Variants in DISP1 observed in about 807,000 individuals in gnomAD.
DISP1 encodes the protein dispatched RND transporter family member 1.
A neutral mutation model predicts 37.3 loss-of-function variants in DISP1; 30 were observed. The ratio of observed to expected loss-of-function variants is 0.80; its 90% CI spans 0.60 to 1.09. The LOEUF (loss-of-function observed/expected upper bound fraction) is 1.09. Ranked by LOEUF, DISP1 falls within the 50% of genes least tolerant of loss-of-function variation. DISP1 has a pLI of 0.00. For missense variants in DISP1, 1,598 were observed against 1,879.5 expected (o/e 0.85, Z 2.77); for synonymous variants, 634 against 690.2 (o/e 0.92, Z 1.28).
chr1:222,864,502 T>A (rs1669066533), intron 1 of DISP1, among the ~76,000 whole-genome samples: 2 of 152,150 alleles, frequency 1.3e-5, no homozygotes, highest in African/African-American at 2.4e-5. Context: ...CATTTAAATA[T>A]GAATCCTTGT....
intron 1 of DISP1, among the ~76,000 whole-genome samples, chr1:222,904,505 A>G (rs1353133096): frequency 1.3e-5 from 2 of 151,910 alleles, no homozygotes; most frequent in African/African-American, 2.4e-5. Flanking sequence ...ATGATATGTT[A>G]TATAAATTTA....
intron 3 of DISP1, among the ~76,000 whole-genome samples, chr1:222,954,438 T>C (rs1166595641): frequency 6.6e-6 from 1 of 152,186 alleles, no homozygotes; most frequent in Non-Finnish European, 1.5e-5. Flanking sequence ...TAAATATTTG[T>C]TGAATGAATG....
chr1:222,879,523 G>T (rs1275861920), intron 1 of DISP1, among the ~76,000 whole-genome samples: 1 of 152,064 alleles, frequency 6.6e-6, no homozygotes, highest in Non-Finnish European at 1.5e-5. Flanking sequence ...ATATATCATA[G>T]AATTTTCTAT....
Position 223,005,521 on chromosome 1 carries a change from A to G in DISP1, c.4124A>G (p.His1375Arg), listed in dbSNP as rs1679841080. Residue 1375 changes from histidine to arginine, a missense_variant, in exon 9 of 9, where the codon CAC becomes CGC. By Grantham distance (29) the His-to-Arg change is conservative. Coordinates refer to ENST00000675850, the MANE Select transcript of DISP1 (RefSeq NM_001377229.1). ...GAAAAAATTGGCAAGACCAATGTAC[A>G]CAGTCTTCAGAGGAGCATAGAAGAG... ...AQEKIGKTNV[H>R]SLQRSIEEHL... 1 of 1,614,032 alleles carries G rather than the reference A, an allele frequency of 6.2e-7. No homozygotes were observed. The highest frequency in any genetic ancestry group is 1.7e-5 in the Admixed American group (1 of 60,008).
At chr1:222,848,607 C>G (rs187797330) in intron 1 of DISP1, among the ~76,000 whole-genome samples, 3 of 152,098 alleles carry the variant, frequency 2.0e-5, no homozygotes, top group Non-Finnish European at 4.4e-5. Flanking sequence ...ATTGCAGGCT[C>G]TTTGAGGGCA....
intron 1 of DISP1, among the ~76,000 whole-genome samples, chr1:222,833,236 A>G (rs1039528041): frequency 3.3e-5 from 5 of 151,248 alleles, no homozygotes; most frequent in Non-Finnish European, 5.9e-5. Flanking sequence ...GACTTTTAAC[A>G]AAGTGATAAG....
At chr1:222,904,014 G>A (rs1671761207) in intron 1 of DISP1, among the ~76,000 whole-genome samples, 1 of 152,142 alleles carries the variant, frequency 6.6e-6, no homozygotes, top group East Asian at 1.9e-4. Context: ...ATAAAACCTA[G>A]CATATGGGTT....
chr1:222,816,204 G>T (rs952027612), intron 1 of DISP1, among the ~76,000 whole-genome samples: 1 of 151,582 alleles, frequency 6.6e-6, no homozygotes. Flanking sequence ...GCCAGTGTTT[G>T]GTATGTGGGC....
chr1:222,857,125 T>A (rs1269349884), intron 1 of DISP1, among the ~76,000 whole-genome samples: 1 of 152,130 alleles, frequency 6.6e-6, no homozygotes, highest in Non-Finnish European at 1.5e-5. Flanking sequence ...AATTGACACT[T>A]AAAAACTGTG....
chr1:222,861,606 C>G (rs1036434828), intron 1 of DISP1, among the ~76,000 whole-genome samples: 1 of 152,178 alleles, frequency 6.6e-6, no homozygotes, highest in South Asian at 2.1e-4. Context: ...TATTATCACT[C>G]TTTGTTTCAA....
Position 222,992,225 on chromosome 1 carries a change from G to A in DISP1, c.889+115G>A, listed in dbSNP as rs1678755592. The stretch of plus-strand genomic sequence containing the variant: ...TGGCTAGTCACACAGCTTCACTGTT[G>A]CTGTTGAACCTAAAGAAATTTTGGC... On this transcript the variant is annotated intron_variant, in intron 7 of 8. Transcript: ENST00000675850. 7 of 876,286 alleles carry A rather than the reference G, an allele frequency of 8.0e-6. No homozygotes were observed. In the East Asian group the frequency reaches 1.6e-4, roughly 20 times the overall value. The allele number at this position is 876,286 out of a possible 1,614,324, so 54.3% of individuals were successfully genotyped here.
At chr1:222,926,784 G>A (rs1307382101) in intron 1 of DISP1, among the ~76,000 whole-genome samples, 1 of 151,974 alleles carries the variant, frequency 6.6e-6, no homozygotes. Context: ...ATTTGAAACA[G>A]TGAACTCACC....
In DISP1 at chr1:222,910,151, C is replaced by T. The variant is rs563012997; in HGVS notation, c.-158-18279C>T. ...GACCAAAGTGGGAGGATTGCTTGAG[C>T]GCAGGAGTTCAAGACCAGCTGAGCA... On this transcript the variant is annotated intron_variant, in intron 1 of 8. Transcript: ENST00000675850. Among the ~76,000 whole-genome samples, 5 of 152,078 alleles carry T rather than the reference C, an allele frequency of 3.3e-5. No homozygotes were observed. The South Asian group carries it at 1.0e-3, about 32-fold the overall frequency.
chr1:222,887,196 G>A (rs1255552758), intron 1 of DISP1, among the ~76,000 whole-genome samples: 3 of 152,176 alleles, frequency 2.0e-5, no homozygotes, highest in African/African-American at 7.2e-5. Context: ...GAAAGCTGGT[G>A]TGTATTACCC....
intron 1 of DISP1, chr1:222,830,938 G>A (rs1011841497): frequency 6.6e-6 from 1 of 152,136 alleles, no homozygotes; most frequent in African/African-American, 2.4e-5. Flanking sequence ...GGGATAATGG[G>A]AAAGGAGCCT....
At chr1:222,863,250 GTGGCTCATACCTGTAATCTCAGCACTT>G (rs1325049859) in intron 1 of DISP1, among the ~76,000 whole-genome samples, 1 of 144,948 alleles carries the variant, frequency 6.9e-6, no homozygotes, top group Non-Finnish European at 1.6e-5. Flanking sequence ...GCTGAAGGCG[GTGGCTCATACCTGTAATCTCAGCACTT>G]TGGAAGGCTG....
At chr1:222,991,407 T>C in intron 5 of DISP1, 113 bp from the exon 6 acceptor site, 2 of 1,312,570 alleles carry the variant, frequency 1.5e-6, no homozygotes, top group South Asian at 1.2e-5. Context: ...GGAACAGCTA[T>C]ATTTTCTGTT....
intron 1 of DISP1, among the ~76,000 whole-genome samples, chr1:222,819,360 A>T (rs1054489724): frequency 6.6e-6 from 1 of 152,122 alleles, no homozygotes; most frequent in Non-Finnish European, 1.5e-5. Flanking sequence ...AAAGTATCAA[A>T]ATTCATAGCC....
Position 223,004,668 on chromosome 1 carries a change from T to A in DISP1, c.3271T>A (p.Phe1091Ile), listed in dbSNP as rs767221242. 8.1e-6 allele frequency: 13 copies of A among 1,613,964 alleles called. No individual in the cohort carries two copies. The highest frequency in any genetic ancestry group is 1.1e-5 in the Non-Finnish European group (13 of 1,180,020). ...SAMAMAALTT[F>I]VAGAMMMPST... ...GATGGCCATGGCTGCCCTGACCACC[T>A]TCGTGGCAGGGGCCATGATGATGCC... Residue 1091 changes from phenylalanine to isoleucine, a missense_variant, in exon 9 of 9, where the codon TTC becomes ATC. By Grantham distance (21) the Phe-to-Ile change is conservative. Transcript: ENST00000675850. The surrounding 1 kb of genome is among the most constrained non-coding windows in gnomAD (Gnocchi z 4.9).
Sources: gnomAD v4.1 joint callset for allele counts (sites outside exome capture counted in the v4.1 genomes callset) on GRCh38, gnomAD v4.1.1 for gene constraint, Gnocchi (gnomAD v3.1) non-coding constraint, MANE v1.5 for transcripts, NCBI Gene and HGNC (gene_info 2026-07-23, HGNC 2026-07-21) for gene names.